USP18: variants seen among roughly 807,000 people sequenced by gnomAD.
USP18 encodes ubl carboxyl-terminal hydrolase 18.
USP18 carries 11 observed loss-of-function variants against 48.7 expected under a neutral mutation model. The ratio of observed to expected loss-of-function variants is 0.23; its 90% CI spans 0.14 to 0.37. The LOEUF (loss-of-function observed/expected upper bound fraction) is 0.37. USP18 is among the 10% of genes least tolerant of loss of function. The pLI is 1.00. For synonymous variants in USP18, 114 were observed against 163.2 expected (o/e 0.70, Z 2.30); for missense variants, 285 against 436.4 (o/e 0.65, Z 3.09).
intron 4 of USP18, among the ~76,000 whole-genome samples, chr22:18,164,016 C>T (rs937157796): frequency 1.3e-5 from 2 of 152,252 alleles, no homozygotes; most frequent in Non-Finnish European, 2.9e-5. Flanking sequence ...AGTGCCTGCA[C>T]TCATATTGAA....
chr22:18,157,753 G>A lies in USP18; in HGVS notation c.90G>A (p.Lys30=). The change falls in exon 2 of 11, where the codon AAG becomes AAA. Residue 30 remains lysine, a synonymous_variant. Coordinates refer to ENST00000215794, the MANE Select transcript of USP18 (RefSeq NM_017414.4). ...SQSPADLEEK[K]EEDSNMKREQ... is the part of the protein sequence containing the mutation. ...CCCCGGCAGATCTTGAAGAAAAGAA[G>A]GAAGAAGACAGCAACATGAAGAGAG... is the stretch of plus-strand genomic sequence containing the variant. The A allele has an allele frequency of 6.2e-7, 1 of 1,614,128 alleles. No individual in the cohort carries two copies. The highest frequency in any genetic ancestry group is 8.5e-7 in the Non-Finnish European group (1 of 1,180,014).
chr22:18,155,806 C>T (rs569420385), intron 1 of USP18, among the ~76,000 whole-genome samples: 9 of 152,346 alleles, frequency 5.9e-5, no homozygotes, highest in African/African-American at 1.4e-4. Context: ...CAAGCCTCCC[C>T]GACCAGCGCC....
At chr22:18,152,041 G>C (rs1929012610) in intron 1 of USP18, among the ~76,000 whole-genome samples, 1 of 152,102 alleles carries the variant, frequency 6.6e-6, no homozygotes, top group Non-Finnish European at 1.5e-5. Flanking sequence ...GCGACAGAGG[G>C]AGACTCCGTC....
chr22:18,155,962 G>C (rs1008713536), intron 1 of USP18, among the ~76,000 whole-genome samples: 1 of 152,250 alleles, frequency 6.6e-6, no homozygotes, highest in Admixed American at 6.5e-5. Context: ...GAGTCTGGTG[G>C]GGACTTGGAG....
chr22:18,152,477 T>A (rs1266080625), intron 1 of USP18, among the ~76,000 whole-genome samples: 1 of 146,366 alleles, frequency 6.8e-6, no homozygotes, highest in African/African-American at 2.5e-5. Context: ...AAAAAAAAAA[T>A]TCAGGTAGGG....
intron 2 of USP18, among the ~76,000 whole-genome samples, chr22:18,158,607 C>G (rs771339168): frequency 6.6e-6 from 1 of 152,140 alleles, no homozygotes; most frequent in Non-Finnish European, 1.5e-5. Context: ...TCTGCTGAGC[C>G]TAAGGTTGGG....
At chr22:18,158,442 A>G (rs1602522166) in intron 2 of USP18, among the ~76,000 whole-genome samples, 1 of 152,184 alleles carries the variant, frequency 6.6e-6, no homozygotes, top group South Asian at 2.1e-4. Context: ...CTACCTTTGT[A>G]TGGGTCTGTC....
At chr22:18,160,399 G>T (rs2543716) in intron 3 of USP18, 131 bp downstream of exon 3, 1 of 1,034,536 alleles carries the variant, frequency 9.7e-7, no homozygotes, top group Non-Finnish European at 1.4e-6. Context: ...TCTGCCTCCC[G>T]GGTTCAAGCG....
intron 1 of USP18, among the ~76,000 whole-genome samples, chr22:18,156,970 G>T (rs1569208780): frequency 6.6e-6 from 1 of 152,102 alleles, no homozygotes; most frequent in East Asian, 1.9e-4. Context: ...AGGGTACACG[G>T]GTACCCCTAT....
chr22:18,167,357 C>G, intron 5 of USP18, 23 bp downstream of exon 5: 2 of 1,612,928 alleles, frequency 1.2e-6, no homozygotes, highest in Non-Finnish European at 1.7e-6. Context: ...AACCAGAGCA[C>G]TCGGAAGCTT....
At chr22:18,151,437 G>GT (rs1928997416) in intron 1 of USP18, among the ~76,000 whole-genome samples, 1 of 152,326 alleles carries the variant, frequency 6.6e-6, no homozygotes, top group East Asian at 1.9e-4. Context: ...TGGATGGAGA[G>GT]TGAATGCAGG....
chr22:18,171,905 C>T (rs1569212837), intron 8 of USP18, among the ~76,000 whole-genome samples: 1 of 151,764 alleles, frequency 6.6e-6, no homozygotes, highest in East Asian at 1.9e-4. Context: ...TTTTTCTTTC[C>T]TTCTAGTTCT....
At chr22:18,156,387 A>T (rs965422394) in intron 1 of USP18, among the ~76,000 whole-genome samples, 9 of 152,190 alleles carry the variant, frequency 5.9e-5, no homozygotes, top group African/African-American at 2.2e-4. Context: ...CATGCTGTGG[A>T]AGCTTTGTTG....
At chr22:18,161,098 T>G (rs1386478565) in intron 3 of USP18, among the ~76,000 whole-genome samples, 1 of 152,014 alleles carries the variant, frequency 6.6e-6, no homozygotes, top group Non-Finnish European at 1.5e-5. Flanking sequence ...AAAGCCCTCT[T>G]TGGGTGATTT....
Position 18,173,259 on chromosome 22 carries a change from T to C in USP18, c.1001T>C (p.Phe334Ser). The C allele has an allele frequency of 2.5e-6, 4 of 1,588,756 alleles. No individual in the cohort carries two copies. Among genetic ancestry groups the C allele is most frequent in the Non-Finnish European group, 3.4e-6 (4 of 1,167,208 alleles). The change falls in exon 9 of 11, where the codon TTC becomes TCC. Residue 334 changes from phenylalanine to serine, a missense_variant. By Grantham distance (155) the Phe-to-Ser change is radical. Transcript: ENST00000215794. ...RNAVDGKWFC[F>S]NDSNICLVSW... ...GCTGTGGATGGAAAATGGTTCTGCT[T>C]CAATGACTCCAATATTTGCTTGGTA...
chr22:18,155,511 G>A (rs374501101), intron 1 of USP18, among the ~76,000 whole-genome samples: 5 of 152,214 alleles, frequency 3.3e-5, no homozygotes, highest in Admixed American at 6.5e-5. Context: ...CTTAGCTTGC[G>A]GGGAGGTGTG....
rs570831434 is a variant in USP18, at chr22:18,163,072, C to T, written c.400+1137C>T. 3.9e-5 allele frequency among the ~76,000 whole-genome samples: 6 copies of T among 151,916 alleles called. No individual in the cohort carries two copies. In the East Asian group the frequency reaches 1.2e-3, roughly 30 times the overall value. ...TAGTCTGTTGAGCTTCTCTTTTGAG[C>T]TCTTATTGCAGTTATTGTATTCTTC... On this transcript the variant is annotated intron_variant, in intron 4 of 10. Transcript: ENST00000215794.
intron 4 of USP18, 142 bp downstream of exon 4, chr22:18,162,077 G>A: frequency 1.1e-6 from 1 of 921,626 alleles, no homozygotes; most frequent in South Asian, 2.1e-5. Flanking sequence ...AGAGACATTT[G>A]TGTAAGAGGC....
chr22:18,156,349 G>T (rs563153369), intron 1 of USP18, among the ~76,000 whole-genome samples: 1 of 152,326 alleles, frequency 6.6e-6, no homozygotes, highest in Admixed American at 6.5e-5. Flanking sequence ...GCCCGAGCCA[G>T]CAGTGGCAAC....
Sources: gnomAD v4.1 joint callset for allele counts (sites outside exome capture counted in the v4.1 genomes callset) on GRCh38, gnomAD v4.1.1 for gene constraint, MANE v1.5 for transcripts, NCBI Gene and HGNC (gene_info 2026-07-23, HGNC 2026-07-21) for gene names.